Variants in PEMT observed in about 807,000 individuals in gnomAD.
The protein encoded by PEMT is phosphatidylethanolamine N-methyltransferase.
In PEMT, 23 loss-of-function variants were observed where a neutral mutation model predicts 27.4. The observed-to-expected ratio is 0.84, with a 90% CI of 0.60 to 1.19. The LOEUF (loss-of-function observed/expected upper bound fraction) is 1.19, where lower values mean the gene tolerates loss of function less well. Among genes scored for constraint, PEMT ranks in the 50% most tolerant of loss-of-function variants. The probability of loss-of-function intolerance (pLI) is 0.00; values close to 1 mark genes in which losing one functional copy is unlikely to be tolerated. For synonymous variants in PEMT, 137 were observed against 139.1 expected (o/e 0.98, Z 0.11); for missense variants, 307 against 310.1 (o/e 0.99, Z 0.07).
intron 2 of PEMT, among the ~76,000 whole-genome samples, chr17:17,550,019 C>T (rs1046482060): frequency 1.3e-5 from 2 of 152,248 alleles, no homozygotes; most frequent in Non-Finnish European, 2.9e-5. Context: ...GGAAATGGAT[C>T]CTTCTTCACA....
intron 2 of PEMT, among the ~76,000 whole-genome samples, chr17:17,560,619 T>C (rs1298740480): frequency 1.3e-5 from 2 of 152,052 alleles, no homozygotes; most frequent in African/African-American, 4.8e-5. Context: ...CTGGGGATGG[T>C]GGAATTTGGA....
At chr17:17,532,288 A>C (rs1908156448) in intron 2 of PEMT, among the ~76,000 whole-genome samples, 1 of 152,244 alleles carries the variant, frequency 6.6e-6, no homozygotes, top group South Asian at 2.1e-4. Flanking sequence ...AATCTCATAC[A>C]TTAAAAATCC....
At chr17:17,586,617 A>G (rs998428768) in intron 1 of PEMT, among the ~76,000 whole-genome samples, 3 of 152,240 alleles carry the variant, frequency 2.0e-5, no homozygotes, top group African/African-American at 7.2e-5. Flanking sequence ...AATAGAACAC[A>G]TGAAACCCTG....
chr17:17,576,771 TCCA>T (rs1911620439), intron 2 of PEMT, 146 bp downstream of exon 2: 6 of 674,510 alleles, frequency 8.9e-6, no homozygotes, highest in Non-Finnish European at 1.6e-5. Flanking sequence ...CGCCTAGTAC[TCCA>T]CACCAGCCAG....
chr17:17,582,952 C>T lies in PEMT; in HGVS notation c.97-5925G>A, dbSNP rs1414913722. On this transcript the variant is annotated intron_variant, in intron 1 of 6. Coordinates refer to ENST00000255389, the MANE Select transcript of PEMT (RefSeq NM_148172.3). This position sits in a 1 kb window ranked among gnomAD's most constrained non-coding sequence, Gnocchi z 4.9. ...TGGTGCACGACTGTAGTCCCAGCTA[C>T]TGGGGAGGCTGAGGCAGAAGAATCA... 6.6e-6 allele frequency among the ~76,000 whole-genome samples: 1 copy of T among 151,956 alleles called. No homozygotes were observed. Among genetic ancestry groups the T allele is most frequent in the East Asian group, 1.9e-4 (1 of 5,188 alleles).
chr17:17,506,729 T>C (rs1905887517), intron 5 of PEMT, among the ~76,000 whole-genome samples: 1 of 152,204 alleles, frequency 6.6e-6, no homozygotes, highest in Admixed American at 6.5e-5. Flanking sequence ...AAGGCTGTTT[T>C]CTAGAAATGA....
upstream of PEMT, chr17:17,591,829 C>A: frequency 7.1e-7 from 1 of 1,399,108 alleles, no homozygotes; most frequent in Non-Finnish European, 9.3e-7. Context: ...TCTAGAGGAG[C>A]CGAGAACTAC....
intron 2 of PEMT, among the ~76,000 whole-genome samples, chr17:17,574,200 A>G (rs566622131): frequency 9.7e-5 from 14 of 145,038 alleles, no homozygotes; most frequent in African/African-American, 3.6e-4. Context: ...AAACTGTTCC[A>G]GTGAAAAACT....
In PEMT at chr17:17,512,370, G is replaced by A. The variant is rs967742903; in HGVS notation, c.466+139C>T. 1.3e-5 allele frequency: 9 copies of A among 692,170 alleles called. No homozygotes were observed. The highest frequency in any genetic ancestry group is 1.1e-4 in the African/African-American group (6 of 53,714). The allele number at this position is 692,170 out of a possible 1,614,324, so 42.9% of individuals were successfully genotyped here. ...AACCACAGACAAGCCAGGCCTGGAG[G>A]AGCAAAGACGCCCCGATGGAGGGGG... On this transcript the variant is annotated intron_variant, in intron 4 of 6. Coordinates refer to ENST00000255389, the MANE Select transcript of PEMT (RefSeq NM_148172.3). The surrounding 1 kb of genome is among the most constrained non-coding windows in gnomAD (Gnocchi z 6.3).
intron 2 of PEMT, among the ~76,000 whole-genome samples, chr17:17,540,026 G>A (rs1404969044): frequency 6.6e-6 from 1 of 152,234 alleles, no homozygotes; most frequent in African/African-American, 2.4e-5. Context: ...AACAAAGGCT[G>A]GGGGCATGGA....
chr17:17,536,179 C>A (rs1343245426), intron 2 of PEMT, among the ~76,000 whole-genome samples: 1 of 152,240 alleles, frequency 6.6e-6, no homozygotes, highest in Non-Finnish European at 1.5e-5. Flanking sequence ...GGGGTGAGTG[C>A]AGCCATGTAT....
At position 17,577,755 on chromosome 17, in the gene PEMT, T is replaced by C. The variant is rs183111450; in HGVS notation, c.97-728A>G. Among the ~76,000 whole-genome samples the C allele has an allele frequency of 5.4e-3, 812 of 151,486 alleles. 3 individuals carry two copies. Among genetic ancestry groups the C allele is most frequent in the Middle Eastern group, 0.017 (5 of 290 alleles). ...TAGGTCGGCCGGGCGCGGTGGCTCA[T>C]GCCTGTAATCCCAGCACTTTGGGAG... On this transcript the variant is annotated intron_variant, in intron 1 of 6. Coordinates refer to ENST00000255389, the MANE Select transcript of PEMT (RefSeq NM_148172.3).
In PEMT at chr17:17,561,173, G is replaced by A. The variant is rs964248833; in HGVS notation, c.204+15747C>T. On this transcript the variant is annotated intron_variant, in intron 2 of 6. Transcript: ENST00000255389. This position sits in a 1 kb window ranked among gnomAD's most constrained non-coding sequence, Gnocchi z 4.5. ...GGGCACCGTGGGGCAGGGCCCAGAG[G>A]ACAACAGCCACTCCCAGCTCACATT... Among the ~76,000 whole-genome samples the A allele has an allele frequency of 6.6e-6, 1 of 152,060 alleles. No homozygotes were observed. Among genetic ancestry groups the A allele is most frequent in the Non-Finnish European group, 1.5e-5 (1 of 68,030 alleles).
chr17:17,575,748 G>A (rs746135054), intron 2 of PEMT, among the ~76,000 whole-genome samples: 2 of 152,116 alleles, frequency 1.3e-5, no homozygotes, highest in African/African-American at 2.4e-5. Context: ...ACCTCCCCTC[G>A]AAGCCCCTCC....
Position 17,509,539 on chromosome 17 carries a change from T to C in PEMT, c.473A>G (p.Tyr158Cys). The change falls in exon 5 of 7, where the codon TAC (tyrosine) becomes TGC (cysteine). Residue 158 changes from tyrosine (Y) to cysteine (C), a missense_variant. Coordinates refer to ENST00000255389, the MANE Select transcript of PEMT (RefSeq NM_148172.3). ...TCTCGCCTCCTTGAGGATCCCGAAG[T>C]AATCACCTGTGGATGAGGCAAGGCA... ...LGFAGTFLGD[Y>C]FGILKEARVT... The C allele has an allele frequency of 6.2e-7, 1 of 1,609,886 alleles. No homozygotes were observed. The highest frequency in any genetic ancestry group is 8.5e-7 in the Non-Finnish European group (1 of 1,176,200).
intron 1 of PEMT, among the ~76,000 whole-genome samples, chr17:17,590,025 GC>G (rs1912510576): frequency 6.7e-6 from 1 of 149,046 alleles, no homozygotes; most frequent in Admixed American, 6.7e-5. Flanking sequence ...AAGGGACACT[GC>G]CCCCTTGCAT....
At chr17:17,510,501 A>G (rs70965408) in intron 4 of PEMT, among the ~76,000 whole-genome samples, 1,985 of 152,298 alleles carry the variant, frequency 0.013, 40 homozygotes, top group African/African-American at 0.045. Context: ...CAGGAGCTTC[A>G]TCACCATCTG....
rs1471637915 is a variant in PEMT, at chr17:17,512,804, G to T, written c.321-150C>A. 2 of 595,662 alleles carry T rather than the reference G, an allele frequency of 3.4e-6. No individual in the cohort carries two copies. The highest frequency in any genetic ancestry group is 5.1e-6 in the Non-Finnish European group (2 of 393,634). The allele number at this position is 595,662 out of a possible 1,614,324, so 36.9% of individuals were successfully genotyped here. On this transcript the variant is annotated intron_variant, in intron 3 of 6. Transcript: ENST00000255389. The surrounding 1 kb of genome is among the most constrained non-coding windows in gnomAD (Gnocchi z 6.3). ...GCCAGGCCAGGCAGGCAGCAGGTGG[G>T]GTCCAGTCCACCTGGGAGGTGGGTG...
At chr17:17,589,648 CA>C (rs1306887071) in intron 1 of PEMT, among the ~76,000 whole-genome samples, 1 of 152,132 alleles carries the variant, frequency 6.6e-6, no homozygotes, top group Non-Finnish European at 1.5e-5. Context: ...ATGGGGTGAA[CA>C]AAAACCTTGC....
Sources: allele counts gnomAD v4.1 joint callset (sites outside exome capture counted in the v4.1 genomes callset), GRCh38; gene constraint gnomAD v4.1.1; non-coding constraint Gnocchi (gnomAD v3.1); transcripts MANE v1.5; gene names NCBI Gene and HGNC (gene_info 2026-07-23, HGNC 2026-07-21).